The following NID2 variants were observed in gnomAD, a reference collection of about 807,000 sequenced individuals.
NID2 encodes nidogen 2.
A neutral mutation model predicts 145.4 loss-of-function variants in NID2; 83 were observed. That is an observed-to-expected ratio of 0.57 (90% CI 0.48 to 0.69). The LOEUF (loss-of-function observed/expected upper bound fraction) is 0.69, where lower values mean the gene tolerates loss of function less well. Ranked by LOEUF, NID2 falls within the 30% of genes least tolerant of loss-of-function variation. NID2 has a pLI of 0.00. For synonymous variants in NID2, 739 were observed against 701.3 expected (o/e 1.05, Z -0.85); for missense variants, 1,807 against 1,765.7 (o/e 1.02, Z -0.42).
chr14:52,047,006 T>A (rs924252930), intron 5 of NID2, among the ~76,000 whole-genome samples: 4 of 152,230 alleles, frequency 2.6e-5, no homozygotes, highest in Non-Finnish European at 1.5e-5. Flanking sequence ...TGGCAGCTTG[T>A]TAGGTGAAAG....
rs566354183 is a variant in NID2, at chr14:52,034,988, T to C, written c.2257+3759A>G. On this transcript the variant is annotated intron_variant, in intron 9 of 21. Transcript: ENST00000216286. ...AAGACCTTGCTTTTTAGGATGGTTT[T>C]ACATTTAGAGAAAAATGGAGCAGAA... is the stretch of plus-strand genomic sequence containing the variant. 8.4e-5 allele frequency among the ~76,000 whole-genome samples: 12 copies of C among 142,374 alleles called. No homozygotes were observed. The South Asian group carries it at 2.7e-3, about 32-fold the overall frequency. 93.4% of individuals were successfully genotyped at this position (142,374 alleles called of 152,430 possible).
At chr14:52,018,520 G>C (rs1030764769) in intron 14 of NID2, among the ~76,000 whole-genome samples, 1 of 152,216 alleles carries the variant, frequency 6.6e-6, no homozygotes, top group Non-Finnish European at 1.5e-5. Flanking sequence ...TGCCTCCTCT[G>C]AGATGTTGGG....
At chr14:52,031,851 CTGT>C (rs1489517848) in intron 9 of NID2, among the ~76,000 whole-genome samples, 2 of 152,228 alleles carry the variant, frequency 1.3e-5, no homozygotes, top group Admixed American at 6.5e-5. Context: ...GGACATGACC[CTGT>C]TGTTCTCCAT....
At chr14:52,016,317 A>G (rs779463272) in intron 14 of NID2, among the ~76,000 whole-genome samples, 11 of 152,334 alleles carry the variant, frequency 7.2e-5, no homozygotes, top group Middle Eastern at 3.4e-3. Context: ...CTTAAAGCAC[A>G]TGGTCTGCAG....
At chr14:52,037,073 A>ACCC (rs958884621) in intron 9 of NID2, among the ~76,000 whole-genome samples, 2 of 152,170 alleles carry the variant, frequency 1.3e-5, no homozygotes, top group Admixed American at 6.5e-5. Context: ...ACAAAAATTT[A>ACCC]CCCATATGTT....
At chr14:52,027,500 A>G (rs553702223) in intron 11 of NID2, among the ~76,000 whole-genome samples, 156 bp from the exon 12 acceptor site, 14 of 152,304 alleles carry the variant, frequency 9.2e-5, no homozygotes, top group African/African-American at 2.6e-4. Context: ...CTGGATTTTA[A>G]TAAGATTCCT....
At chr14:52,014,094 G>A in intron 16 of NID2, 193 bp downstream of exon 16, 2 of 687,038 alleles carry the variant, frequency 2.9e-6, no homozygotes, top group Non-Finnish European at 5.2e-6. Flanking sequence ...GCCTTGGTCA[G>A]TGACAGGTGA....
intron 5 of NID2, among the ~76,000 whole-genome samples, chr14:52,048,872 G>T (rs1336815264): frequency 6.6e-6 from 1 of 152,198 alleles, no homozygotes; most frequent in African/African-American, 2.4e-5. Flanking sequence ...GGTTCAGAAG[G>T]TAGAGGAGGC....
chr14:52,040,574 G>T, intron 8 of NID2, 77 bp downstream of exon 8: 1 of 1,257,404 alleles, frequency 8.0e-7, no homozygotes, highest in Non-Finnish European at 1.2e-6. Context: ...TGCCATGTAA[G>T]TCATTTAAGC....
intron 12 of NID2, 140 bp from the exon 13 acceptor site, chr14:52,020,318 G>A (rs1891357860): frequency 7.3e-7 from 1 of 1,378,916 alleles, no homozygotes; most frequent in Non-Finnish European, 9.6e-7. Context: ...AGCATGAGCA[G>A]AAAAATGCTG....
At chr14:52,012,270 C>T (rs1255251844) in intron 16 of NID2, among the ~76,000 whole-genome samples, 1 of 152,064 alleles carries the variant, frequency 6.6e-6, no homozygotes, top group Non-Finnish European at 1.5e-5. Flanking sequence ...TACTCCTGCC[C>T]CTGACTCTTA....
At chr14:52,029,435 G>T in intron 10 of NID2, 112 bp downstream of exon 10, 2 of 964,924 alleles carry the variant, frequency 2.1e-6, no homozygotes, top group Non-Finnish European at 3.1e-6. Context: ...TAAAATCATT[G>T]ACAATGGAGG....
chr14:52,030,577 GGAAA>G (rs59292241), intron 9 of NID2, among the ~76,000 whole-genome samples: 4,252 of 92,944 alleles, frequency 0.046, 434 homozygotes, highest in African/African-American at 0.15. Context: ...AGGAAGGAAG[GGAAA>G]GAAAGAAAGA....
chr14:52,061,150 T>C, intron 2 of NID2, among the ~76,000 whole-genome samples: 1 of 152,310 alleles, frequency 6.6e-6, no homozygotes, highest in South Asian at 2.1e-4. Context: ...ATAGTCCCCA[T>C]TTGTACCATG....
chr14:52,007,599 T>C (rs1346408767), intron 19 of NID2: 1 of 557,552 alleles, frequency 1.8e-6, no homozygotes, highest in Non-Finnish European at 3.2e-6. Context: ...CAGTACAAAC[T>C]TACTGCTTGA....
intron 9 of NID2, among the ~76,000 whole-genome samples, chr14:52,030,539 A>C (rs1891783949): frequency 1.7e-5 from 1 of 57,318 alleles, no homozygotes; most frequent in African/African-American, 5.7e-5. Flanking sequence ...AAAGAAAGAA[A>C]GAAAGAAAGA....
intron 18 of NID2, 136 bp from the exon 19 acceptor site, chr14:52,008,103 G>A (rs1594995890): frequency 2.2e-6 from 1 of 452,240 alleles, no homozygotes; most frequent in African/African-American, 3.0e-5. Context: ...GGCTGCATTA[G>A]TAGTGTCTTG....
At chr14:52,067,237 A>C (rs1209619399) in intron 2 of NID2, among the ~76,000 whole-genome samples, 1 of 151,600 alleles carries the variant, frequency 6.6e-6, no homozygotes, top group Non-Finnish European at 1.5e-5. Context: ...TATACAGGAT[A>C]ATAGCAGGAT....
chr14:52,005,939 A>G, intron 20 of NID2, 90 bp from the exon 21 acceptor site: 1 of 949,718 alleles, frequency 1.1e-6, no homozygotes, highest in South Asian at 1.4e-5. Context: ...GCAATAGAGG[A>G]AAATTTCTGG....
Sources: allele counts gnomAD v4.1 joint callset (sites outside exome capture counted in the v4.1 genomes callset), GRCh38; gene constraint gnomAD v4.1.1; transcripts MANE v1.5; gene names NCBI Gene and HGNC (gene_info 2026-07-23, HGNC 2026-07-21).